SEMA5A: variants seen among roughly 807,000 people sequenced by gnomAD.
SEMA5A encodes semaphorin-5A.
Under a neutral mutation model 135.5 loss-of-function variants are expected in SEMA5A, and 55 were observed. The observed-to-expected ratio is 0.41, with a 90% confidence interval of 0.33 to 0.51. The LOEUF (loss-of-function observed/expected upper bound fraction) is 0.51. Ranked by LOEUF, SEMA5A falls within the 20% of genes least tolerant of loss-of-function variation. The probability of loss-of-function intolerance (pLI) is 0.37; values close to 1 mark genes in which losing one functional copy is unlikely to be tolerated. For synonymous variants in SEMA5A, 580 were observed against 546.5 expected, an observed-to-expected ratio of 1.06 and a Z score of -0.85; for missense variants, 1,290 against 1,419.9, an observed-to-expected ratio of 0.91 and a Z score of 1.47.
chr5:9,435,740 C>A (rs1758004890), intron 2 of SEMA5A, among the ~76,000 whole-genome samples: 1 of 152,302 alleles, frequency 6.6e-6, no homozygotes, highest in Admixed American at 6.5e-5. Flanking sequence ...ACAGCCATGC[C>A]CATTCACTTA....
intron 1 of SEMA5A, among the ~76,000 whole-genome samples, chr5:9,459,424 A>G (rs1223213225): frequency 1.3e-5 from 2 of 152,266 alleles, no homozygotes; most frequent in Non-Finnish European, 2.9e-5. Context: ...ATGCTGGAGA[A>G]ATCCATACGA....
At chr5:9,474,108 A>G (rs1299340405) in intron 1 of SEMA5A, among the ~76,000 whole-genome samples, 1 of 152,146 alleles carries the variant, frequency 6.6e-6, no homozygotes, top group East Asian at 1.9e-4. Context: ...ATAATAAAGG[A>G]GGGGCTAATA....
chr5:9,327,918 A>C (rs1368014985), intron 4 of SEMA5A, among the ~76,000 whole-genome samples: 4 of 152,148 alleles, frequency 2.6e-5, no homozygotes, highest in Admixed American at 2.0e-4. Context: ...ATTTGAAAAA[A>C]AATGCCAACT....
At chr5:9,522,534 G>A (rs537005358) in intron 1 of SEMA5A, among the ~76,000 whole-genome samples, 4 of 152,136 alleles carry the variant, frequency 2.6e-5, no homozygotes, top group East Asian at 3.9e-4. Context: ...CCGAGATTGC[G>A]CCATTGCACT....
intron 1 of SEMA5A, among the ~76,000 whole-genome samples, chr5:9,444,799 C>T (rs1020903126): frequency 1.3e-5 from 2 of 152,088 alleles, no homozygotes; most frequent in Non-Finnish European, 2.9e-5. Context: ...ATAGTGGGCC[C>T]ATCTCTTAAC....
chr5:9,157,226 G>A (rs1453622935), intron 11 of SEMA5A, among the ~76,000 whole-genome samples: 1 of 152,100 alleles, frequency 6.6e-6, no homozygotes, highest in Non-Finnish European at 1.5e-5. Flanking sequence ...CCTGTGCCCT[G>A]CCCTTGTTCT....
At chr5:9,107,629 T>G (rs898655708) in intron 16 of SEMA5A, among the ~76,000 whole-genome samples, 2 of 152,180 alleles carry the variant, frequency 1.3e-5, no homozygotes, top group African/African-American at 4.8e-5. Flanking sequence ...ATGTGAATAC[T>G]TAATTCACGA....
intron 1 of SEMA5A, among the ~76,000 whole-genome samples, chr5:9,494,596 C>G (rs956544763): frequency 1.4e-5 from 2 of 138,876 alleles, no homozygotes; most frequent in Non-Finnish European, 3.1e-5. Context: ...TCTGCCAAAT[C>G]CCCCCCTTCA....
intron 2 of SEMA5A, among the ~76,000 whole-genome samples, chr5:9,424,751 CCT>C (rs1203477052): frequency 6.6e-6 from 1 of 152,168 alleles, no homozygotes; most frequent in Non-Finnish European, 1.5e-5. Context: ...TTTATCTTCC[CCT>C]CTCTCCAATG....
chr5:9,248,706 G>A (rs958997094), intron 5 of SEMA5A, among the ~76,000 whole-genome samples: 1 of 152,122 alleles, frequency 6.6e-6, no homozygotes, highest in African/African-American at 2.4e-5. Flanking sequence ...AGCATACAGA[G>A]GAGAAGGAAA....
At chr5:9,533,593 G>A (rs174863) in intron 1 of SEMA5A, among the ~76,000 whole-genome samples, 48,788 of 152,016 alleles carry the variant, frequency 0.32, 8,069 homozygotes, top group African/African-American at 0.39. Context: ...TTAATTAAGT[G>A]AATCCAATTA....
chr5:9,218,863 T>G (rs1329969909), intron 8 of SEMA5A, among the ~76,000 whole-genome samples: 1 of 152,210 alleles, frequency 6.6e-6, no homozygotes, highest in Non-Finnish European at 1.5e-5. Context: ...AAATAATCAC[T>G]CATTTATTCA....
chr5:9,174,050 G>T (rs1209181937), intron 11 of SEMA5A, among the ~76,000 whole-genome samples: 1 of 152,184 alleles, frequency 6.6e-6, no homozygotes, highest in African/African-American at 2.4e-5. Context: ...TAATGGAGCA[G>T]ATTTTTAGGC....
intron 3 of SEMA5A, among the ~76,000 whole-genome samples, chr5:9,340,726 T>G (rs952688944): frequency 2.0e-5 from 3 of 152,214 alleles, no homozygotes; most frequent in Admixed American, 1.3e-4. Context: ...AGATCAAAGT[T>G]GAGTAATCTG....
intron 11 of SEMA5A, among the ~76,000 whole-genome samples, chr5:9,169,109 C>G (rs775837720): frequency 6.6e-6 from 1 of 151,980 alleles, no homozygotes; most frequent in Non-Finnish European, 1.5e-5. Flanking sequence ...CTGTACTTTA[C>G]AGTTGAAATT....
chr5:9,354,628 A>T (rs2126326366), intron 3 of SEMA5A, among the ~76,000 whole-genome samples: 1 of 152,320 alleles, frequency 6.6e-6, no homozygotes, highest in Middle Eastern at 3.4e-3. Flanking sequence ...GACACTACAG[A>T]CGCTGCAGGA....
intron 11 of SEMA5A, among the ~76,000 whole-genome samples, chr5:9,165,746 G>A (rs529858441): frequency 2.5e-4 from 38 of 152,282 alleles, no homozygotes; most frequent in African/African-American, 7.7e-4. Flanking sequence ...TATCAGCGAG[G>A]TAATGATGAA....
intron 1 of SEMA5A, among the ~76,000 whole-genome samples, chr5:9,467,997 T>A (rs1422168200): frequency 6.6e-6 from 1 of 152,182 alleles, no homozygotes; most frequent in Non-Finnish European, 1.5e-5. Flanking sequence ...ATTATCCCTA[T>A]TATGTGGAGC....
intron 2 of SEMA5A, among the ~76,000 whole-genome samples, chr5:9,408,665 T>A (rs1756990011): frequency 6.6e-6 from 1 of 152,160 alleles, no homozygotes; most frequent in Non-Finnish European, 1.5e-5. Context: ...GTTACTATTA[T>A]TATCCTCATT....
Sources: gnomAD v4.1 joint callset for allele counts (sites outside exome capture counted in the v4.1 genomes callset) on GRCh38, gnomAD v4.1.1 for gene constraint, MANE v1.5 for transcripts, NCBI Gene and HGNC (gene_info 2026-07-23, HGNC 2026-07-21) for gene names.